Variants in DENND1A observed in about 807,000 individuals in gnomAD.
The protein encoded by DENND1A is DENN domain containing 1A, also known as DENN domain-containing protein 1A.
A neutral mutation model predicts 113.7 loss-of-function variants in DENND1A; 51 were observed. The observed-to-expected ratio is 0.45, with a 90% CI of 0.36 to 0.57. DENND1A has a LOEUF of 0.57. Among genes scored for constraint, DENND1A ranks in the 20% least tolerant of loss-of-function variants. The pLI, the probability that DENND1A is intolerant of heterozygous loss-of-function variation, is 0.00. For missense variants in DENND1A, 1,258 were observed against 1,395.9 expected (o/e 0.90, Z 1.57); for synonymous variants, 565 against 570.8 (o/e 0.99, Z 0.14).
intron 18 of DENND1A, among the ~76,000 whole-genome samples, chr9:123,450,401 C>A (rs1390691776): frequency 6.6e-6 from 1 of 152,222 alleles, no homozygotes; most frequent in African/African-American, 2.4e-5. Flanking sequence ...CCAATTTCTA[C>A]AGACGCCTGT....
At chr9:123,432,331 C>T (rs150015746) in intron 19 of DENND1A, among the ~76,000 whole-genome samples, 331 of 152,308 alleles carry the variant, frequency 2.2e-3, no homozygotes, top group African/African-American at 7.5e-3. Context: ...GGTGAGTGCA[C>T]GTGGAAAGAC....
At chr9:123,703,070 C>T (rs1215899601) in intron 5 of DENND1A, among the ~76,000 whole-genome samples, 1 of 152,154 alleles carries the variant, frequency 6.6e-6, no homozygotes, top group Non-Finnish European at 1.5e-5. Flanking sequence ...CAACTTCTGC[C>T]TCCTGGGTTC....
At chr9:123,925,041 T>C (rs1424772056) in intron 1 of DENND1A, among the ~76,000 whole-genome samples, 4 of 152,230 alleles carry the variant, frequency 2.6e-5, no homozygotes, top group African/African-American at 9.6e-5. Flanking sequence ...AGGCAACTCA[T>C]GTGCTTCCTT....
chr9:123,395,787 T>A (rs543207444), intron 21 of DENND1A, among the ~76,000 whole-genome samples: 1 of 152,146 alleles, frequency 6.6e-6, no homozygotes, highest in African/African-American at 2.4e-5. Flanking sequence ...AGGTGCTCTT[T>A]ACCTGTTTGT....
At chr9:123,544,386 A>G (rs1444218726) in intron 13 of DENND1A, among the ~76,000 whole-genome samples, 2 of 152,244 alleles carry the variant, frequency 1.3e-5, no homozygotes, top group African/African-American at 4.8e-5. Context: ...AAAGGTTGTT[A>G]GTTTAACCTG....
At chr9:123,499,207 T>C (rs1360731681) in intron 13 of DENND1A, among the ~76,000 whole-genome samples, 2 of 151,892 alleles carry the variant, frequency 1.3e-5, no homozygotes, top group Non-Finnish European at 2.9e-5. Flanking sequence ...CTACTTTTTG[T>C]ATTTTTAGTA....
At chr9:123,471,407 A>T (rs748146407) in intron 13 of DENND1A, among the ~76,000 whole-genome samples, 5 of 152,136 alleles carry the variant, frequency 3.3e-5, no homozygotes, top group Non-Finnish European at 7.3e-5. Flanking sequence ...CTAAGAAAGG[A>T]TCTGTTTTCC....
intron 21 of DENND1A, among the ~76,000 whole-genome samples, chr9:123,395,136 T>A (rs991458071): frequency 6.6e-6 from 1 of 152,068 alleles, no homozygotes; most frequent in Non-Finnish European, 1.5e-5. Flanking sequence ...GAGGGCTAGG[T>A]GGGAAGGCAA....
intron 5 of DENND1A, among the ~76,000 whole-genome samples, chr9:123,756,565 C>T (rs17216924): frequency 0.021 from 3,245 of 152,272 alleles, 46 homozygotes; most frequent in Middle Eastern, 0.031. Context: ...GCCCAGGTTA[C>T]AAATGCTATG....
intron 9 of DENND1A, among the ~76,000 whole-genome samples, chr9:123,650,846 G>T (rs893198081): frequency 1.4e-5 from 2 of 144,826 alleles, no homozygotes; most frequent in Non-Finnish European, 3.0e-5. Context: ...GGTGGAGGTT[G>T]CAGTGAGCCG....
intron 9 of DENND1A, 42 bp from the exon 10 acceptor site, chr9:123,630,518 G>C: frequency 7.4e-7 from 1 of 1,349,682 alleles, no homozygotes; most frequent in Middle Eastern, 1.9e-4. Flanking sequence ...AAATCCAAGG[G>C]AGGAGACACC....
chr9:123,534,942 A>G (rs1214222784), intron 13 of DENND1A, among the ~76,000 whole-genome samples: 1 of 152,162 alleles, frequency 6.6e-6, no homozygotes, highest in Non-Finnish European at 1.5e-5. Flanking sequence ...ATTTAGGACC[A>G]AGGTGCTACC....
intron 6 of DENND1A, among the ~76,000 whole-genome samples, chr9:123,675,670 T>C (rs747415998): frequency 6.6e-6 from 1 of 152,084 alleles, no homozygotes; most frequent in African/African-American, 2.4e-5. Flanking sequence ...ATCAAAGAAA[T>C]GCAATTAAAA....
chr9:123,401,515 C>A, intron 21 of DENND1A: 1 of 1,276,138 alleles, frequency 7.8e-7, no homozygotes, highest in Non-Finnish European at 1.0e-6. Flanking sequence ...GGGCCCGAGC[C>A]ACTGTGACGT....
At chr9:123,565,311 T>C (rs1282010510) in intron 12 of DENND1A, among the ~76,000 whole-genome samples, 1 of 152,160 alleles carries the variant, frequency 6.6e-6, no homozygotes, top group Non-Finnish European at 1.5e-5. Flanking sequence ...TCTCTTCTAT[T>C]AGACTGACCA....
intron 1 of DENND1A, among the ~76,000 whole-genome samples, chr9:123,902,820 A>T (rs3983858): frequency 2.6e-4 from 39 of 149,506 alleles, no homozygotes; most frequent in East Asian, 9.7e-4. Context: ...TTTTTTTTTT[A>T]AAAAGGCCAA....
At chr9:123,636,164 A>T (rs1468982345) in intron 9 of DENND1A, among the ~76,000 whole-genome samples, 1 of 152,124 alleles carries the variant, frequency 6.6e-6, no homozygotes, top group African/African-American at 2.4e-5. Context: ...CACCACTTTT[A>T]GGTCACCCCA....
At position 123,610,311 on chromosome 9, in the gene DENND1A, C is replaced by A. The variant is rs1340209233; in HGVS notation, c.720-830G>T. Among the ~76,000 whole-genome samples, 4 of 152,184 alleles carry A rather than the reference C, an allele frequency of 2.6e-5. No individual in the cohort carries two copies. The East Asian group carries it at 7.7e-4, about 29-fold the overall frequency. On this transcript the variant is annotated intron_variant, in intron 10 of 23. Coordinates refer to ENST00000394215, the MANE Select transcript of DENND1A (RefSeq NM_001352964.2). ...GACATTATATGAGGAACTTTAAATT[C>A]ATCTATTCTAATCCACATAACAACT...
intron 11 of DENND1A, among the ~76,000 whole-genome samples, chr9:123,592,153 C>A (rs2059487862): frequency 6.6e-6 from 1 of 152,024 alleles, no homozygotes. Context: ...AAATGTGGGG[C>A]TATTAAAGGC....
Sources: gnomAD v4.1 joint callset for allele counts (sites outside exome capture counted in the v4.1 genomes callset) on GRCh38, gnomAD v4.1.1 for gene constraint, MANE v1.5 for transcripts, NCBI Gene and HGNC (gene_info 2026-07-23, HGNC 2026-07-21) for gene names.